Variants in HYDIN observed in about 807,000 individuals in gnomAD.
HYDIN encodes axonemal central pair apparatus protein HYDIN.
Under a neutral mutation model 403.9 loss-of-function variants are expected in HYDIN, and 132 were observed. The ratio of observed to expected loss-of-function variants is 0.33; its 90% confidence interval spans 0.28 to 0.38. HYDIN has a LOEUF of 0.38. Ranked by LOEUF, HYDIN falls within the 10% of genes least tolerant of loss-of-function variation. The probability of loss-of-function intolerance (pLI) is 1.00; values close to 1 mark genes in which losing one functional copy is unlikely to be tolerated. For synonymous variants in HYDIN, 1,202 were observed against 1,891.7 expected (o/e 0.64, Z 9.46); for missense variants, 2,827 against 5,009.5 (o/e 0.56, Z 13.15).
chr16:71,021,462 G>A (rs149730325), intron 21 of HYDIN, among the ~76,000 whole-genome samples: 26 of 152,128 alleles, frequency 1.7e-4, no homozygotes, highest in African/African-American at 5.5e-4. Flanking sequence ...TGATCCACCC[G>A]CCTCAGCCTC....
At chr16:71,063,514 G>A (rs1014043771) in intron 16 of HYDIN, among the ~76,000 whole-genome samples, 8 of 152,212 alleles carry the variant, frequency 5.3e-5, no homozygotes, top group Non-Finnish European at 1.2e-4. Context: ...CTGCTGTGCA[G>A]AAACAACTTC....
rs754107193 is a variant in HYDIN, at chr16:70,879,469, C to T, written c.10385G>A (p.Arg3462Gln). 4.8e-5 allele frequency: 77 copies of T among 1,613,396 alleles called. No homozygotes were observed. Among genetic ancestry groups the T allele is most frequent in the Admixed American group, 1.2e-4 (7 of 59,982 alleles). Reference protein sequence around the residue: ...DGLPSTLAKSRGLVFDIAGEG... With the variant: ...DGLPSTLAKSQGLVFDIAGEG... Reference sequence around the variant, plus strand: ...ACCAGCGATGTCAAACACGAGGCCTCGGCTCTTGGCCAGGGTGCTGTAGGG... The same window carrying T: ...ACCAGCGATGTCAAACACGAGGCCTTGGCTCTTGGCCAGGGTGCTGTAGGG... The change falls in exon 62 of 86, where the codon CGA (arginine) becomes CAA (glutamine). Residue 3462 changes from arginine (R) to glutamine (Q), a missense_variant. Physicochemically the swap from Arg to Gln is conservative, Grantham distance 43 (BLOSUM62 1). Transcript: ENST00000393567.
At chr16:71,114,215 C>T (rs1475759496) in intron 10 of HYDIN, among the ~76,000 whole-genome samples, 1 of 151,988 alleles carries the variant, frequency 6.6e-6, no homozygotes, top group African/African-American at 2.4e-5. Context: ...TTCTTAAGAT[C>T]CACTGACGCT....
chr16:71,187,598 A>G (rs2087220954), intron 1 of HYDIN, among the ~76,000 whole-genome samples: 1 of 152,170 alleles, frequency 6.6e-6, no homozygotes, highest in Non-Finnish European at 1.5e-5. Flanking sequence ...GCTAAAAAAG[A>G]GAACTAAAAA....
At chr16:71,137,630 G>C (rs1330916593) in intron 7 of HYDIN, among the ~76,000 whole-genome samples, 2 of 151,702 alleles carry the variant, frequency 1.3e-5, no homozygotes, top group South Asian at 2.1e-4. Context: ...TTTCTTTTTT[G>C]TAAATAGCTT....
intron 23 of HYDIN, among the ~76,000 whole-genome samples, chr16:71,007,068 G>GTCCC (rs1301441332): frequency 1.6e-5 from 2 of 126,888 alleles, no homozygotes; most frequent in African/African-American, 5.9e-5. Context: ...CCCTGCCTCC[G>GTCCC]TCCCTCCCTT....
chr16:71,117,439 C>T (rs1022138488), intron 9 of HYDIN, among the ~76,000 whole-genome samples: 1 of 151,890 alleles, frequency 6.6e-6, no homozygotes, highest in African/African-American at 2.4e-5. Flanking sequence ...GCAGGTCAAA[C>T]ACTTTGCCCC....
intron 30 of HYDIN, 141 bp downstream of exon 30, chr16:70,978,773 C>T: frequency 1.2e-6 from 1 of 801,526 alleles, no homozygotes; most frequent in Non-Finnish European, 1.9e-6. Context: ...ATGTCCTTGC[C>T]CCTGGGCTTC....
intron 6 of HYDIN, among the ~76,000 whole-genome samples, chr16:71,159,809 T>C (rs1434330455): frequency 1.3e-5 from 2 of 152,092 alleles, no homozygotes; most frequent in African/African-American, 4.8e-5. Flanking sequence ...CCCAGAATTC[T>C]ATATGGTGAA....
chr16:70,829,919 C>G (rs894511861), intron 80 of HYDIN, 89 bp from the exon 81 acceptor site: 2 of 1,183,638 alleles, frequency 1.7e-6, no homozygotes, highest in Non-Finnish European at 2.5e-6. Flanking sequence ...CTGGGGAAGA[C>G]TGACTTTGAC....
At chr16:71,057,873 C>A (rs1248240054) in intron 18 of HYDIN, among the ~76,000 whole-genome samples, 4 of 101,906 alleles carry the variant, frequency 3.9e-5, no homozygotes, top group Admixed American at 2.1e-4. Flanking sequence ...CAGAGAAATG[C>A]AAATCAAAAC....
At chr16:70,839,524 C>T (rs1323230190) in intron 76 of HYDIN, among the ~76,000 whole-genome samples, 1 of 146,170 alleles carries the variant, frequency 6.8e-6, no homozygotes, top group African/African-American at 2.6e-5. Context: ...ACATTTTCAT[C>T]ATGATGGAAA....
chr16:70,981,603 A>C (rs777957523), intron 28 of HYDIN, 35 bp from the exon 29 acceptor site: 1 of 1,601,852 alleles, frequency 6.2e-7, no homozygotes, highest in Non-Finnish European at 8.5e-7. Context: ...GGGAAAACGA[A>C]TGTGCTACAG....
chr16:71,192,181 T>A (rs1228945073), intron 1 of HYDIN, among the ~76,000 whole-genome samples: 2 of 152,172 alleles, frequency 1.3e-5, no homozygotes, highest in African/African-American at 2.4e-5. Context: ...GATCATGACA[T>A]GATTCTGCCC....
intron 5 of HYDIN, among the ~76,000 whole-genome samples, 168 bp from the exon 6 acceptor site, chr16:71,162,898 TGAGAGA>T (rs148130412): frequency 1.3e-5 from 2 of 150,972 alleles, no homozygotes; most frequent in East Asian, 3.9e-4. Context: ...TTGTCTTTTC[TGAGAGA>T]GAGAGAGAGA....
intron 10 of HYDIN, among the ~76,000 whole-genome samples, chr16:71,108,229 G>A (rs2083688954): frequency 1.3e-5 from 2 of 152,108 alleles, no homozygotes; most frequent in Non-Finnish European, 2.9e-5. Context: ...ACTAGGCTTA[G>A]AACCTGTGTG....
At chr16:71,017,410 A>G (rs4788501) in intron 23 of HYDIN, among the ~76,000 whole-genome samples, 2 of 151,444 alleles carry the variant, frequency 1.3e-5, no homozygotes, top group African/African-American at 4.9e-5. Context: ...CTCTCCTGCT[A>G]TCATGAAAGA....
At chr16:70,848,495 GTTACTC>G (rs1473141184) in intron 75 of HYDIN, among the ~76,000 whole-genome samples, 6 of 147,908 alleles carry the variant, frequency 4.1e-5, no homozygotes, top group Non-Finnish European at 7.5e-5. Context: ...GGTTACTGTT[GTTACTC>G]TTAGTTTGTT....
At chr16:71,210,424 C>T (rs559897398) in intron 1 of HYDIN, among the ~76,000 whole-genome samples, 10 of 152,012 alleles carry the variant, frequency 6.6e-5, no homozygotes, top group Non-Finnish European at 1.3e-4. Flanking sequence ...AACCAGATAC[C>T]GTCTGTTCTC....
Sources: gnomAD v4.1 joint callset for allele counts (sites outside exome capture counted in the v4.1 genomes callset) on GRCh38, gnomAD v4.1.1 for gene constraint, MANE v1.5 for transcripts, NCBI Gene and HGNC (gene_info 2026-07-23, HGNC 2026-07-21) for gene names.